Variants in CAMKMT observed in about 807,000 individuals in gnomAD.
CAMKMT encodes the protein CaM KMT.
In CAMKMT, 53 loss-of-function variants were observed where a neutral mutation model predicts 48.0. The observed-to-expected ratio is 1.10, with a 90% CI of 0.89 to 1.39. CAMKMT has a LOEUF of 1.39. CAMKMT is among the 40% of genes most tolerant of loss of function. The probability of loss-of-function intolerance (pLI) is 0.00; values close to 1 mark genes in which losing one functional copy is unlikely to be tolerated. For synonymous variants in CAMKMT, 165 were observed against 152.3 expected (o/e 1.08, Z -0.61); for missense variants, 428 against 402.7 (o/e 1.06, Z -0.54).
intron 3 of CAMKMT, among the ~76,000 whole-genome samples, chr2:44,532,662 T>C (rs1666550367): frequency 6.6e-6 from 1 of 152,174 alleles, no homozygotes; most frequent in Non-Finnish European, 1.5e-5. Context: ...GCAAATTTAT[T>C]TTTATGTGGA....
intron 3 of CAMKMT, among the ~76,000 whole-genome samples, chr2:44,620,655 C>G (rs929888589): frequency 3.9e-5 from 6 of 152,212 alleles, no homozygotes; most frequent in African/African-American, 1.4e-4. Flanking sequence ...AACATCTATT[C>G]TGTGAGAAAG....
intron 3 of CAMKMT, among the ~76,000 whole-genome samples, chr2:44,672,422 T>C (rs932114191): frequency 2.0e-5 from 3 of 152,202 alleles, no homozygotes. Flanking sequence ...GGTTTTTTTT[T>C]CAGCTGCTCT....
intron 3 of CAMKMT, among the ~76,000 whole-genome samples, chr2:44,505,199 A>G (rs1670199291): frequency 6.6e-6 from 1 of 152,204 alleles, no homozygotes; most frequent in Non-Finnish European, 1.5e-5. Flanking sequence ...GAGGGGTCAA[A>G]CAAACCATAT....
chr2:44,422,158 C>G (rs148331188), intron 3 of CAMKMT, among the ~76,000 whole-genome samples: 9 of 152,268 alleles, frequency 5.9e-5, no homozygotes, highest in Non-Finnish European at 1.3e-4. Flanking sequence ...ATAGTGAGTA[C>G]TTACAGAATC....
At chr2:44,508,248 A>G (rs1294964009) in intron 3 of CAMKMT, among the ~76,000 whole-genome samples, 1 of 152,180 alleles carries the variant, frequency 6.6e-6, no homozygotes, top group African/African-American at 2.4e-5. Context: ...GCATCAACAC[A>G]TGAGAGTTGC....
chr2:44,676,721 C>G (rs960848196), intron 3 of CAMKMT: 3 of 152,226 alleles, frequency 2.0e-5, no homozygotes, highest in Admixed American at 6.5e-5. Flanking sequence ...GGCTAGTCAC[C>G]TGACCTCACT....
At chr2:44,526,856 C>G (rs1271534808) in intron 3 of CAMKMT, among the ~76,000 whole-genome samples, 1 of 152,048 alleles carries the variant, frequency 6.6e-6, no homozygotes, top group Non-Finnish European at 1.5e-5. Flanking sequence ...CAAATATTTT[C>G]TTTTTTATAA....
chr2:44,679,505 G>A lies in CAMKMT; in HGVS notation c.377-24778G>A, dbSNP rs556650978. Among the ~76,000 whole-genome samples, 88 of 152,324 alleles carry A rather than the reference G, an allele frequency of 5.8e-4. No homozygotes were observed. The South Asian group carries it at 0.018, about 31-fold the overall frequency. On this transcript the variant is annotated intron_variant, in intron 3 of 10. Transcript: ENST00000378494. ...TCAGGCTTCTAGATGGTTTATTAAT[G>A]AAGCAGTGCATTCTCCACGAGGGGA...
At chr2:44,564,712 A>G (rs1020443854) in intron 3 of CAMKMT, among the ~76,000 whole-genome samples, 2 of 151,922 alleles carry the variant, frequency 1.3e-5, no homozygotes, top group African/African-American at 4.8e-5. Context: ...AGCTAATTTT[A>G]TATTTTTAAT....
chr2:44,725,134 C>T (rs1366101965), intron 7 of CAMKMT, among the ~76,000 whole-genome samples: 1 of 128,720 alleles, frequency 7.8e-6, no homozygotes, highest in African/African-American at 3.2e-5. Flanking sequence ...CATTGTCTTG[C>T]TTTCTGGACG....
chr2:44,385,334 A>G (rs1227721843), intron 2 of CAMKMT, among the ~76,000 whole-genome samples: 1 of 152,012 alleles, frequency 6.6e-6, no homozygotes, highest in Non-Finnish European at 1.5e-5. Context: ...TTAACCTTGT[A>G]TTTGGAAATT....
intron 3 of CAMKMT, among the ~76,000 whole-genome samples, chr2:44,455,239 G>A (rs1346355399): frequency 6.6e-6 from 1 of 152,184 alleles, no homozygotes; most frequent in African/African-American, 2.4e-5. Flanking sequence ...ACGAAGCCTA[G>A]AGATAGATTT....
At chr2:44,543,040 T>G in intron 3 of CAMKMT, among the ~76,000 whole-genome samples, 1 of 152,210 alleles carries the variant, frequency 6.6e-6, no homozygotes, top group East Asian at 1.9e-4. Flanking sequence ...AGATGCAAAT[T>G]ATCGTTTACT....
At position 44,382,086 on chromosome 2, in the gene CAMKMT, C is replaced by T. The variant is rs978293556; in HGVS notation, c.312-8155C>T. 1.6e-4 allele frequency among the ~76,000 whole-genome samples: 24 copies of T among 151,778 alleles called. 1 individual carries two copies. Among genetic ancestry groups the T allele is most frequent in the East Asian group, 3.9e-4 (2 of 5,150 alleles). The stretch of plus-strand genomic sequence containing the variant: ...CCTCCTGAGTAGTTGGGATTACAGA[C>T]GCCTGCCACTACACCTGGCTAATTT... On this transcript the variant is annotated intron_variant, in intron 2 of 10. Transcript: ENST00000378494.
chr2:44,535,037 C>T (rs1459773137), intron 3 of CAMKMT, among the ~76,000 whole-genome samples: 1 of 150,592 alleles, frequency 6.6e-6, no homozygotes, highest in Non-Finnish European at 1.5e-5. Flanking sequence ...GAGAGAGACC[C>T]AAATAAAATC....
At chr2:44,619,752 C>G (rs1188234208) in intron 3 of CAMKMT, among the ~76,000 whole-genome samples, 2 of 152,170 alleles carry the variant, frequency 1.3e-5, no homozygotes, top group Admixed American at 1.3e-4. Context: ...ACAGGGCATT[C>G]TTGGTGTATG....
intron 3 of CAMKMT, among the ~76,000 whole-genome samples, chr2:44,417,958 C>T (rs1179322751): frequency 4.6e-5 from 7 of 152,120 alleles, no homozygotes; most frequent in South Asian, 2.1e-4. Context: ...TTTGGGAAGC[C>T]GAGGCGGGTA....
intron 3 of CAMKMT, among the ~76,000 whole-genome samples, chr2:44,526,836 C>A (rs1666138215): frequency 6.6e-6 from 1 of 152,074 alleles, no homozygotes; most frequent in Admixed American, 6.6e-5. Flanking sequence ...TTAACTATTA[C>A]AAAAGCCCCC....
At chr2:44,383,464 CT>C (rs1680465530) in intron 2 of CAMKMT, among the ~76,000 whole-genome samples, 1 of 152,020 alleles carries the variant, frequency 6.6e-6, no homozygotes, top group Non-Finnish European at 1.5e-5. Context: ...CACCTGACCC[CT>C]TTTTTTAATT....
Sources: gnomAD v4.1 joint callset for allele counts (sites outside exome capture counted in the v4.1 genomes callset) on GRCh38, gnomAD v4.1.1 for gene constraint, MANE v1.5 for transcripts, NCBI Gene and HGNC (gene_info 2026-07-23, HGNC 2026-07-21) for gene names.